MYO3A: variants seen among roughly 807,000 people sequenced by gnomAD.
The protein encoded by MYO3A is myosin-IIIa.
Under a neutral mutation model 192.7 loss-of-function variants are expected in MYO3A, and 180 were observed. The observed-to-expected ratio is 0.93, with a 90% CI of 0.83 to 1.06. The LOEUF (loss-of-function observed/expected upper bound fraction) is 1.06. MYO3A is among the 50% of genes least tolerant of loss of function. The pLI, the probability that MYO3A is intolerant of heterozygous loss-of-function variation, is 0.00. For missense variants in MYO3A, 1,896 were observed against 1,905.0 expected (o/e 1.00, Z 0.09); for synonymous variants, 628 against 645.3 (o/e 0.97, Z 0.41).
chr10:26,076,394 A>G (rs893426340), intron 14 of MYO3A, among the ~76,000 whole-genome samples: 3 of 151,974 alleles, frequency 2.0e-5, no homozygotes, highest in African/African-American at 4.8e-5. Context: ...GATTTTGGTT[A>G]TTAGTCCTTT....
In MYO3A at chr10:26,157,381, T is replaced by C. The variant is rs752701896; in HGVS notation, c.2865T>C (p.Asn955=). 2 of 1,614,120 alleles carry C rather than the reference T, an allele frequency of 1.2e-6. No individual in the cohort carries two copies. The highest frequency in any genetic ancestry group is 1.7e-6 in the Non-Finnish European group (2 of 1,180,010). The change falls in exon 26 of 35, where the codon AAT becomes AAC. Residue 955 remains asparagine, a synonymous_variant. Coordinates refer to ENST00000642920, the MANE Select transcript of MYO3A (RefSeq NM_017433.5). ...ATTTTGTCCGTTGCATCAAACCAAA[T>C]AGTGAGCGTCAGGCAAGAAAATATG... is the stretch of plus-strand genomic sequence containing the variant. ...QPHFVRCIKP[N]SERQARKYDK...
At chr10:26,199,911 C>G (rs1320703873) in intron 32 of MYO3A, among the ~76,000 whole-genome samples, 4 of 152,132 alleles carry the variant, frequency 2.6e-5, no homozygotes, top group African/African-American at 9.7e-5. Flanking sequence ...GAAACTACTA[C>G]TGAAGTCATG....
chr10:26,057,722 G>A (rs11014939), intron 10 of MYO3A, among the ~76,000 whole-genome samples: 71,800 of 151,930 alleles, frequency 0.47, 17,800 homozygotes, highest in Middle Eastern at 0.59. Context: ...AGAAGTCAAT[G>A]GCTAATTGGA....
intron 2 of MYO3A, among the ~76,000 whole-genome samples, chr10:25,943,416 A>G (rs916820717): frequency 6.6e-6 from 1 of 152,098 alleles, no homozygotes; most frequent in Admixed American, 6.5e-5. Context: ...TTTCTGCAAA[A>G]AACATTGGGA....
At chr10:26,015,379 T>G (rs1055549260) in intron 6 of MYO3A, among the ~76,000 whole-genome samples, 1 of 152,172 alleles carries the variant, frequency 6.6e-6, no homozygotes, top group Non-Finnish European at 1.5e-5. Flanking sequence ...CCTAATCTTC[T>G]TTACTTCCTA....
intron 10 of MYO3A, among the ~76,000 whole-genome samples, chr10:26,030,469 A>G (rs1430935962): frequency 6.6e-6 from 1 of 152,210 alleles, no homozygotes; most frequent in Non-Finnish European, 1.5e-5. Context: ...TCCTGCCCTC[A>G]GCATTCATAT....
intron 15 of MYO3A, among the ~76,000 whole-genome samples, chr10:26,088,920 T>C (rs1010161881): frequency 6.6e-6 from 1 of 152,230 alleles, no homozygotes; most frequent in African/African-American, 2.4e-5. Flanking sequence ...TGATATTAAG[T>C]TGAATGAATT....
intron 10 of MYO3A, among the ~76,000 whole-genome samples, chr10:26,030,253 T>A (rs2131143547): frequency 6.6e-6 from 1 of 152,356 alleles, no homozygotes; most frequent in South Asian, 2.1e-4. Context: ...TCTTACCTGG[T>A]GCTTTTGTTT....
At chr10:25,996,703 T>A in intron 5 of MYO3A, 109 bp downstream of exon 5, 2 of 876,570 alleles carry the variant, frequency 2.3e-6, no homozygotes, top group South Asian at 2.9e-5. Context: ...TAGTATTTAT[T>A]GATGGAAGAA....
At chr10:26,034,505 T>G (rs1474609490) in intron 10 of MYO3A, among the ~76,000 whole-genome samples, 2 of 152,212 alleles carry the variant, frequency 1.3e-5, no homozygotes, top group African/African-American at 4.8e-5. Flanking sequence ...TATCTCAAAT[T>G]AAAATTAGAA....
At chr10:26,135,124 G>A (rs1425457228) in intron 20 of MYO3A, among the ~76,000 whole-genome samples, 1 of 152,134 alleles carries the variant, frequency 6.6e-6, no homozygotes. Context: ...CAAGGTTATA[G>A]GACAGTGAAA....
chr10:25,956,396 T>C (rs1471038224), intron 4 of MYO3A, among the ~76,000 whole-genome samples: 4 of 151,198 alleles, frequency 2.6e-5, no homozygotes, highest in Non-Finnish European at 5.9e-5. Context: ...AGTGGCACAA[T>C]CTCAGCTCAC....
intron 26 of MYO3A, among the ~76,000 whole-genome samples, chr10:26,160,890 C>T (rs149454872): frequency 2.0e-4 from 31 of 152,110 alleles, no homozygotes; most frequent in African/African-American, 6.0e-4. Context: ...AATCTTATAG[C>T]TTGAAAAATA....
chr10:26,126,247 T>C (rs1181384423), intron 19 of MYO3A, among the ~76,000 whole-genome samples: 1 of 152,168 alleles, frequency 6.6e-6, no homozygotes, highest in Admixed American at 6.5e-5. Context: ...TGGACACAAG[T>C]CCTTCCATCT....
At chr10:26,080,455 G>A (rs1003813190) in intron 14 of MYO3A, among the ~76,000 whole-genome samples, 4 of 149,502 alleles carry the variant, frequency 2.7e-5, no homozygotes, top group Non-Finnish European at 5.9e-5. Flanking sequence ...AGATTTCCTT[G>A]TATTGAGCTT....
chr10:26,174,201 C>A lies in MYO3A; in HGVS notation c.3937C>A (p.Arg1313Ser), dbSNP rs1999240. Residue 1313 changes from arginine to serine, a missense_variant, in exon 30 of 35, where the codon CGT becomes AGT. Transcript: ENST00000642920. ...AAAGAAGACATCTGTAGTTACCCAG[C>A]GTGCACCGATATGCAGCCAGGAGGA... ...KEKKTSVVTQ[R>S]APICSQEEGR... 947,820 of 1,613,926 alleles carry A rather than the reference C, an allele frequency of 0.59. 279,409 individuals carry two copies. The highest frequency in any genetic ancestry group is 0.67 in the East Asian group (29,964 of 44,872).
intron 31 of MYO3A, among the ~76,000 whole-genome samples, chr10:26,188,897 A>G (rs111712459): frequency 1.5e-3 from 234 of 152,246 alleles, no homozygotes; most frequent in African/African-American, 5.3e-3. Flanking sequence ...GCAGCCTTGT[A>G]GTATAGTTTG....
chr10:26,083,989 G>A (rs1836142953), intron 14 of MYO3A, among the ~76,000 whole-genome samples: 2 of 152,274 alleles, frequency 1.3e-5, no homozygotes, highest in East Asian at 1.9e-4. Context: ...AGCAAGACCA[G>A]CAATTTCTAG....
Position 26,201,313 on chromosome 10 carries a change from T to C in MYO3A, c.4586+8T>C. ...AAGACCAAGGAAAGACAGGTAATTA[T>C]TACTTCTGGATTTCAATCAGTCATC... is the stretch of plus-strand genomic sequence containing the variant. On this transcript the variant is annotated splice_region_variant and intron_variant, in intron 33 of 34. Transcript: ENST00000642920. 1 of 1,566,520 alleles carries C rather than the reference T, an allele frequency of 6.4e-7. No individual in the cohort carries two copies.
Sources: allele counts gnomAD v4.1 joint callset (sites outside exome capture counted in the v4.1 genomes callset), GRCh38; gene constraint gnomAD v4.1.1; transcripts MANE v1.5; gene names NCBI Gene and HGNC (gene_info 2026-07-23, HGNC 2026-07-21).